MRAS: variants seen among roughly 807,000 people sequenced by gnomAD.
MRAS encodes muscle RAS oncogene homolog.
In MRAS, 4 loss-of-function variants were observed where a neutral mutation model predicts 20.9. The ratio of observed to expected loss-of-function variants is 0.19; its 90% CI spans 0.09 to 0.44. The LOEUF (loss-of-function observed/expected upper bound fraction) is 0.44, where lower values mean the gene tolerates loss of function less well. Among genes scored for constraint, MRAS ranks in the 20% least tolerant of loss-of-function variants. The pLI is 0.99. For synonymous variants in MRAS, 98 were observed against 102.9 expected (o/e 0.95, Z 0.29); for missense variants, 154 against 277.5 (o/e 0.56, Z 3.16).
intron 1 of MRAS, among the ~76,000 whole-genome samples, chr3:138,351,859 T>C (rs897861039): frequency 6.6e-6 from 1 of 152,210 alleles, no homozygotes; most frequent in African/African-American, 2.4e-5. Context: ...GGAACGTTGA[T>C]GTACAAAGTT....
chr3:138,392,011 G>A (rs1223700993), intron 2 of MRAS, among the ~76,000 whole-genome samples: 1 of 152,174 alleles, frequency 6.6e-6, no homozygotes, highest in African/African-American at 2.4e-5. Context: ...GGTAGCGCAT[G>A]CCTGTAATCC....
In MRAS at chr3:138,403,693, G is replaced by A. The variant is rs1192754188; in HGVS notation, c.*1424G>A. 6.5e-6 allele frequency: 1 copy of A among 152,686 alleles called. No homozygotes were observed. Among genetic ancestry groups the A allele is most frequent in the Non-Finnish European group, 1.5e-5 (1 of 68,062 alleles). 9.5% of individuals were successfully genotyped at this position (152,686 alleles called of 1,614,324 possible). A position where few individuals can be genotyped will look rare whatever the true frequency, so the allele number is the denominator to read the frequency against. On this transcript the variant is annotated 3_prime_UTR_variant, in exon 6 of 6. Transcript: ENST00000423968. ...CAAAGACTGGAGTTTTTCCAGCTGG[G>A]GTGGGAGTGGAGAGACAACAGGAAC...
At chr3:138,399,697 A>G (rs2055318781) in intron 4 of MRAS, among the ~76,000 whole-genome samples, 1 of 152,182 alleles carries the variant, frequency 6.6e-6, no homozygotes, top group Non-Finnish European at 1.5e-5. Context: ...GCTTACTTCC[A>G]TCTGTCTCAT....
chr3:138,400,875 T>A (rs1204889975), intron 5 of MRAS, among the ~76,000 whole-genome samples: 2 of 152,222 alleles, frequency 1.3e-5, no homozygotes, highest in African/African-American at 4.8e-5. Context: ...TCTGATGCAG[T>A]GGCTCAGGCT....
At chr3:138,379,357 C>CTTTTTTTTTTTTTTTTTTTTTTTT (rs35120152) in intron 2 of MRAS, among the ~76,000 whole-genome samples, 2 of 77,598 alleles carry the variant, frequency 2.6e-5, no homozygotes, top group African/African-American at 5.0e-5. Flanking sequence ...GACAGAATGT[C>CTTTTTTTTTTTTTTTTTTTTTTTT]TTTTTTTTTT....
At position 138,405,041 on chromosome 3, in the gene MRAS, A is replaced by G. The variant is rs1438998542; in HGVS notation, c.*2772A>G. On this transcript the variant is annotated 3_prime_UTR_variant, in exon 6 of 6. Coordinates refer to ENST00000423968, the MANE Select transcript of MRAS (RefSeq NM_001085049.3). The stretch of plus-strand genomic sequence containing the variant: ...GAGGGCTGCTCTTTTTTTTCCAGAG[A>G]TAATCCTAGCCATCCTCTCCACTCC... 6.6e-6 allele frequency: 1 copy of G among 152,002 alleles called. No homozygotes were observed. Among genetic ancestry groups the G allele is most frequent in the Non-Finnish European group, 1.5e-5 (1 of 68,072 alleles). 9.4% of individuals were successfully genotyped at this position (152,002 alleles called of 1,614,324 possible).
chr3:138,384,028 G>T (rs1382103130), intron 2 of MRAS, among the ~76,000 whole-genome samples: 2 of 152,128 alleles, frequency 1.3e-5, no homozygotes, highest in Non-Finnish European at 2.9e-5. Context: ...CAGGTGCAAG[G>T]GCCCCGAGGC....
chr3:138,389,999 C>G (rs1053021372), intron 2 of MRAS, among the ~76,000 whole-genome samples: 1 of 149,520 alleles, frequency 6.7e-6, no homozygotes, highest in Non-Finnish European at 1.5e-5. Context: ...GGCAGTTTTC[C>G]TAGTATTTCT....
At chr3:138,385,480 A>G (rs1648875190) in intron 2 of MRAS, among the ~76,000 whole-genome samples, 1 of 149,534 alleles carries the variant, frequency 6.7e-6, no homozygotes, top group South Asian at 2.1e-4. Flanking sequence ...ATTTTATTGT[A>G]TTTTTGAGTT....
At chr3:138,351,239 A>G (rs1309899616) in intron 1 of MRAS, among the ~76,000 whole-genome samples, 1 of 129,430 alleles carries the variant, frequency 7.7e-6, no homozygotes, top group East Asian at 2.5e-4. Flanking sequence ...GCAATTGAAA[A>G]ACATACCTGC....
At chr3:138,386,633 G>A (rs1161939851) in intron 2 of MRAS, among the ~76,000 whole-genome samples, 1 of 151,928 alleles carries the variant, frequency 6.6e-6, no homozygotes, top group Non-Finnish European at 1.5e-5. Flanking sequence ...ACAGGTGTGC[G>A]CCACCACACC....
intron 1 of MRAS, among the ~76,000 whole-genome samples, chr3:138,354,084 C>A (rs905890931): frequency 6.6e-6 from 1 of 152,218 alleles, no homozygotes; most frequent in Non-Finnish European, 1.5e-5. Flanking sequence ...AGGGATGGAG[C>A]AGCCTGTGCA....
At position 138,372,939 on chromosome 3, in the gene MRAS, T is replaced by C. The variant is rs1165307291; in HGVS notation, c.56T>C (p.Val19Ala). Reference sequence around the variant, plus strand: ...CTCCCCACATACAAGCTGGTGGTGGTGGGGGATGGGGGTGTGGGCAAAAGT... The same window carrying C: ...CTCCCCACATACAAGCTGGTGGTGGCGGGGGATGGGGGTGTGGGCAAAAGT... ...DNLPTYKLVV[V>A]GDGGVGKSAL... Residue 19 changes from valine (V) to alanine (A), a missense_variant, in exon 2 of 6, where the codon GTG (valine) becomes GCG (alanine). Around this residue, in one of 3 missense-constraint regions of MRAS, gnomAD observed 27 missense variants for 42.0 expected, o/e 0.64. Transcript: ENST00000423968. 4 of 1,557,430 alleles carry C rather than the reference T, an allele frequency of 2.6e-6. No homozygotes were observed. The highest frequency in any genetic ancestry group is 2.6e-6 in the Non-Finnish European group (3 of 1,157,436).
At chr3:138,387,423 T>G (rs372284299) in intron 2 of MRAS, among the ~76,000 whole-genome samples, 1 of 152,206 alleles carries the variant, frequency 6.6e-6, no homozygotes, top group Admixed American at 6.5e-5. Context: ...CACTGCCGAC[T>G]CCTGCTCAAA....
intron 2 of MRAS, among the ~76,000 whole-genome samples, chr3:138,383,367 G>GT (rs1172663929): frequency 1.4e-4 from 21 of 152,252 alleles, no homozygotes; most frequent in African/African-American, 4.8e-4. Flanking sequence ...GTCTCACCGT[G>GT]CCACCCAGGC....
chr3:138,388,713 A>G (rs538897584), intron 2 of MRAS, among the ~76,000 whole-genome samples: 1 of 152,156 alleles, frequency 6.6e-6, no homozygotes, highest in Non-Finnish European at 1.5e-5. Context: ...ACATAAAAAG[A>G]AAGAAAAGAA....
intron 1 of MRAS, among the ~76,000 whole-genome samples, chr3:138,362,517 A>G (rs572087595): frequency 7.2e-5 from 11 of 151,970 alleles, no homozygotes; most frequent in Admixed American, 2.0e-4. Context: ...AGTTTGTCCT[A>G]TGTAATTCAT....
At chr3:138,364,696 A>G (rs2054524770) in intron 1 of MRAS, among the ~76,000 whole-genome samples, 1 of 152,212 alleles carries the variant, frequency 6.6e-6, no homozygotes, top group Non-Finnish European at 1.5e-5. Flanking sequence ...CAGCTTCCTC[A>G]CTGGTCCTCA....
intron 2 of MRAS, among the ~76,000 whole-genome samples, chr3:138,395,157 C>T (rs2055209134): frequency 1.3e-5 from 2 of 152,126 alleles, no homozygotes; most frequent in South Asian, 4.2e-4. Context: ...TCTCCTGCCT[C>T]AGCCTCATGA....
Sources: allele counts gnomAD v4.1 joint callset (sites outside exome capture counted in the v4.1 genomes callset), GRCh38; gene constraint gnomAD v4.1.1; regional missense constraint gnomAD v4.1.1; transcripts MANE v1.5; gene names NCBI Gene and HGNC (gene_info 2026-07-23, HGNC 2026-07-21).